OTOG: variants seen among roughly 807,000 people sequenced by gnomAD.
The protein encoded by OTOG is otogelin.
A neutral mutation model predicts 313.8 loss-of-function variants in OTOG; 296 were observed. The observed-to-expected ratio is 0.94, with a 90% CI of 0.86 to 1.04. The LOEUF is 1.04. OTOG is among the 50% of genes least tolerant of loss of function. The pLI is 0.00. For missense variants in OTOG, 3,948 were observed against 3,840.1 expected (o/e 1.03, Z -0.74); for synonymous variants, 1,533 against 1,554.9 (o/e 0.99, Z 0.33).
At chr11:17,585,613 T>C (rs907375569) in intron 23 of OTOG, among the ~76,000 whole-genome samples, 3 of 152,320 alleles carry the variant, frequency 2.0e-5, no homozygotes, top group African/African-American at 7.2e-5. Flanking sequence ...TTTCACATCC[T>C]GACCTGGATA....
In OTOG at chr11:17,625,584, C is replaced by G. The variant is rs367608817; in HGVS notation, c.6529-3549C>G. 2.6e-5 allele frequency among the ~76,000 whole-genome samples: 4 copies of G among 152,116 alleles called. No individual in the cohort carries two copies. In the East Asian group the frequency reaches 7.7e-4, roughly 29 times the overall value. On this transcript the variant is annotated intron_variant, in intron 39 of 55. Transcript: ENST00000399397. ...TATTTTATTGAGGATTTTTGCATCA[C>G]TGTTCATGTCTTCTTTTGAGAAATG... is the stretch of plus-strand genomic sequence containing the variant.
chr11:17,640,162 C>A (rs967971867), intron 49 of OTOG, among the ~76,000 whole-genome samples: 4 of 152,056 alleles, frequency 2.6e-5, no homozygotes, highest in East Asian at 1.9e-4. Flanking sequence ...TTTCCTGGGG[C>A]TTTCATGTGT....
chr11:17,637,808 G>A (rs967189511), intron 47 of OTOG, among the ~76,000 whole-genome samples: 1 of 152,120 alleles, frequency 6.6e-6, no homozygotes, highest in Admixed American at 6.6e-5. Context: ...GATAATCCTT[G>A]CTTGTGCCAA....
At position 17,610,211 on chromosome 11, in the gene OTOG, C is replaced by T. The variant is rs1225519171; in HGVS notation, c.4911C>T (p.Pro1637=). The stretch of plus-strand genomic sequence containing the variant: ...CTGTTAGGACGACACCCCCACAGCC[C>T]TCCTTGACAGCAAGTCCCTCCTCCA... ...SLPVRTTPPQ[P]SLTASPSSRP... is the part of the protein sequence containing the mutation. Residue 1637 remains proline (P), a synonymous_variant, in exon 36 of 56, where the codon CCC becomes CCT. Transcript: ENST00000399397. The T allele has an allele frequency of 7.7e-6, 12 of 1,550,426 alleles. No homozygotes were observed. Among genetic ancestry groups the T allele is most frequent in the Admixed American group, 5.9e-5 (3 of 50,984 alleles).
intron 11 of OTOG, 121 bp from the exon 12 acceptor site, chr11:17,559,413 C>A: frequency 1.5e-6 from 2 of 1,351,108 alleles, no homozygotes; most frequent in Admixed American, 2.2e-5. Flanking sequence ...CCCTCTGGGA[C>A]TAGGAAATCA....
rs544751623 is a variant in OTOG, at chr11:17,558,568, C to T, written c.1027C>T (p.Arg343Trp). The T allele has an allele frequency of 2.5e-5, 39 of 1,550,440 alleles. No homozygotes were observed. Among genetic ancestry groups the T allele is most frequent in the East Asian group, 7.3e-5 (3 of 40,916 alleles). Residue 343 changes from arginine to tryptophan, a missense_variant, in exon 10 of 56, where the codon CGG (arginine) becomes TGG (tryptophan). By Grantham distance (101) the Arg-to-Trp change is moderately radical. Coordinates refer to ENST00000399397, the MANE Select transcript of OTOG (RefSeq NM_001292063.2). ...GVYEQCEALL[R>W]PPFDACHAYV... Reference sequence around the variant, plus strand: ...GTACGAGCAGTGTGAGGCTCTACTGCGGCCCCCCTTTGACGCCTGCCACGC... The same window carrying T: ...GTACGAGCAGTGTGAGGCTCTACTGTGGCCCCCCTTTGACGCCTGCCACGC...
At chr11:17,638,404 C>T in intron 47 of OTOG, 47 bp from the exon 48 acceptor site, 2 of 1,452,158 alleles carry the variant, frequency 1.4e-6, no homozygotes, top group Non-Finnish European at 1.9e-6. Context: ...GATTCACATC[C>T]CCAGGTGCCT....
chr11:17,603,516 T>A (rs1371435031), intron 32 of OTOG, among the ~76,000 whole-genome samples: 1 of 152,110 alleles, frequency 6.6e-6, no homozygotes, highest in African/African-American at 2.4e-5. Context: ...AGAACGTCAC[T>A]GGGGGCAGGA....
chr11:17,581,637 A>G (rs1020687201), intron 23 of OTOG, among the ~76,000 whole-genome samples: 1 of 152,092 alleles, frequency 6.6e-6, no homozygotes, highest in Non-Finnish European at 1.5e-5. Flanking sequence ...TAATTTATAT[A>G]CAGTAAATTA....
At position 17,613,378 on chromosome 11, in the gene OTOG, T is replaced by TTCCTTCCC. The variant is rs1554975629; in HGVS notation, c.6439-227_6439-226insCTCCTTCC. 1.5e-3 allele frequency among the ~76,000 whole-genome samples: 206 copies of TTCCTTCCC among 133,222 alleles called. 3 individuals carry two copies. Among genetic ancestry groups the TTCCTTCCC allele is most frequent in the African/African-American group, 5.7e-3 (196 of 34,616 alleles). 87.4% of individuals were successfully genotyped at this position (133,222 alleles called of 152,430 possible). On this transcript the variant is annotated intron_variant, in intron 38 of 55. Transcript: ENST00000399397. ...CTTCCTTCCTTCCTTCCTTCCCTCC[T>TTCCTTCCC]TCCTTCCTTCCTTCCTTCCTTTTTT...
rs770965079 is a variant in OTOG at position 17,631,129 on chromosome 11, A to T, written c.6713-573A>T. On this transcript the variant is annotated intron_variant, in intron 40 of 55. Transcript: ENST00000399397. ...ATGCCATTGGCTGGGACTCAATCGG[A>T]TGATCTCACCCAGCTGCAAGGGCAT... Among the ~76,000 whole-genome samples, 93 of 152,260 alleles carry T rather than the reference A, an allele frequency of 6.1e-4. 1 individual carries two copies. The highest frequency in any genetic ancestry group is 3.4e-3 in the Middle Eastern group (1 of 294).
chr11:17,584,892 T>A (rs1852757952), intron 23 of OTOG, among the ~76,000 whole-genome samples: 1 of 152,242 alleles, frequency 6.6e-6, no homozygotes, highest in South Asian at 2.1e-4. Flanking sequence ...ATGTTGCAAA[T>A]TACATTGGTT....
Position 17,559,451 on chromosome 11 carries a change from T to C in OTOG, c.1214-83T>C, listed in dbSNP as rs10832798. 0.33 allele frequency: 501,866 copies of C among 1,520,080 alleles called. 86,563 individuals are homozygous for C. The highest frequency in any genetic ancestry group is 0.55 in the African/African-American group (40,045 of 72,296). The allele number at this position is 1,520,080 out of a possible 1,614,324, so 94.2% of individuals were successfully genotyped here. On this transcript the variant is annotated intron_variant, in intron 11 of 55. Coordinates refer to ENST00000399397, the MANE Select transcript of OTOG (RefSeq NM_001292063.2). ...AAAATCAAAGCCCTCCCTCCCATCC[T>C]CACTCCACGGCCTGGGGTAGGAGCT...
intron 30 of OTOG, among the ~76,000 whole-genome samples, chr11:17,597,507 C>T (rs1853141342): frequency 6.6e-6 from 1 of 152,202 alleles, no homozygotes; most frequent in Non-Finnish European, 1.5e-5. Flanking sequence ...CAGGTCCCAT[C>T]AGAGGCAGCA....
chr11:17,625,323 T>A (rs1218399030), intron 39 of OTOG, among the ~76,000 whole-genome samples: 33 of 152,222 alleles, frequency 2.2e-4, no homozygotes, highest in Admixed American at 2.1e-3. Context: ...TTTTGAGGTA[T>A]GTTCCTTTAA....
Position 17,645,826 on chromosome 11 carries a change from A to T in OTOG, c.8624A>T (p.Lys2875Met). The change falls in exon 56 of 56, where the codon AAG (lysine) becomes ATG (methionine). Residue 2875 changes from lysine (K) to methionine (M), a missense_variant. Physicochemically the swap from Lys to Met is moderately conservative, Grantham distance 95 (BLOSUM62 -1). Transcript: ENST00000399397. ...YNINTYARFC[K>M]CCREVGLQRR... Reference sequence around the variant, plus strand: ...ATCAACACCTATGCCCGATTCTGCAAGTGCTGCCGTGAGGTGGGCCTGCAG... The same window carrying T: ...ATCAACACCTATGCCCGATTCTGCATGTGCTGCCGTGAGGTGGGCCTGCAG... 1 of 1,551,024 alleles carries T rather than the reference A, an allele frequency of 6.4e-7. No homozygotes were observed. Among genetic ancestry groups the T allele is most frequent in the South Asian group, 1.2e-5 (1 of 84,052 alleles).
At chr11:17,551,284 CT>C (rs1326563863) in intron 3 of OTOG, among the ~76,000 whole-genome samples, 115 of 152,306 alleles carry the variant, frequency 7.6e-4, no homozygotes, top group South Asian at 2.1e-4. Context: ...TATAAGTCAT[CT>C]AGTCCTGTGG....
intron 15 of OTOG, among the ~76,000 whole-genome samples, chr11:17,562,037 T>TAAAAAAAA (rs560554139): frequency 7.6e-6 from 1 of 131,834 alleles, no homozygotes; most frequent in Admixed American, 7.7e-5. Context: ...TTTTACTACC[T>TAAAAAAAA]AAAAAAAAAA....
In OTOG at chr11:17,572,236, T is replaced by G; in HGVS notation, c.2080+32T>G. On this transcript the variant is annotated intron_variant, in intron 18 of 55. Transcript: ENST00000399397. ...TGGTGGGGGAAGAGGAGAGGCATGG[T>G]TGAGTGGGGTGGGGAGGACTGCTTT... 3 of 1,549,012 alleles carry G rather than the reference T, an allele frequency of 1.9e-6. No individual in the cohort carries two copies. The South Asian group carries it at 3.6e-5, about 18-fold the overall frequency.
Sources: gnomAD v4.1 joint callset for allele counts (sites outside exome capture counted in the v4.1 genomes callset) on GRCh38, gnomAD v4.1.1 for gene constraint, MANE v1.5 for transcripts, NCBI Gene and HGNC (gene_info 2026-07-23, HGNC 2026-07-21) for gene names.